The following LHFPL3 variants were observed in gnomAD, a reference collection of about 807,000 sequenced individuals.
LHFPL3 encodes LHFPL tetraspan subfamily member 3, also known as LHFPL tetraspan subfamily member 3 protein.
LHFPL3 carries 5 observed loss-of-function variants against 19.3 expected under a neutral mutation model. The observed-to-expected ratio is 0.26, with a 90% CI of 0.14 to 0.54. LHFPL3 has a LOEUF of 0.54. LHFPL3 is among the 20% of genes least tolerant of loss of function. The pLI, the probability that LHFPL3 is intolerant of heterozygous loss-of-function variation, is 0.94. For missense variants in LHFPL3, 249 were observed against 307.4 expected, an observed-to-expected ratio of 0.81 and a Z score of 1.42; for synonymous variants, 133 against 126.2, an observed-to-expected ratio of 1.05 and a Z score of -0.36.
rs1794623935 is a variant in LHFPL3, at chr7:104,549,163, T to C, written c.446-187512T>C. Reference sequence around the variant, plus strand: ...ATAGCAAATATGACTTTAAAAGTAATGGGAAAGTCCACACTCCGTGCAGTA... The same window carrying C: ...ATAGCAAATATGACTTTAAAAGTAACGGGAAAGTCCACACTCCGTGCAGTA... On this transcript the variant is annotated intron_variant, in intron 1 of 2. Coordinates refer to ENST00000424859, the MANE Select transcript of LHFPL3 (RefSeq NM_199000.3). Among the ~76,000 whole-genome samples, 3 of 152,048 alleles carry C rather than the reference T, an allele frequency of 2.0e-5. No individual in the cohort carries two copies. The South Asian group carries it at 6.2e-4, about 32-fold the overall frequency.
chr7:104,563,672 C>G (rs539783024), intron 1 of LHFPL3, among the ~76,000 whole-genome samples: 5 of 108,246 alleles, frequency 4.6e-5, no homozygotes, highest in African/African-American at 1.8e-4. Context: ...AGCTGTAGAC[C>G]GGAGCTGTTC....
At chr7:104,554,636 T>TAGAC (rs1186057872) in intron 1 of LHFPL3, among the ~76,000 whole-genome samples, 7 of 132,344 alleles carry the variant, frequency 5.3e-5, no homozygotes, top group African/African-American at 1.7e-4. Flanking sequence ...ATAGATTAGA[T>TAGAC]AGACAGATAG....
chr7:104,490,652 C>T (rs924717083), intron 1 of LHFPL3, among the ~76,000 whole-genome samples: 5 of 152,004 alleles, frequency 3.3e-5, no homozygotes, highest in Non-Finnish European at 5.9e-5. Context: ...TCTAAAGCGA[C>T]GGATATCAAC....
intron 1 of LHFPL3, among the ~76,000 whole-genome samples, chr7:104,407,330 T>C (rs17137382): frequency 0.031 from 4,768 of 152,268 alleles, 217 homozygotes; most frequent in East Asian, 0.16. Context: ...ACAAAAAATG[T>C]TCTGTAGGTC....
At chr7:104,763,301 T>C (rs954479271) in intron 2 of LHFPL3, among the ~76,000 whole-genome samples, 2 of 152,310 alleles carry the variant, frequency 1.3e-5, no homozygotes, top group African/African-American at 4.8e-5. Context: ...CCCAGATATC[T>C]CGTTCCAAGA....
At position 104,632,191 on chromosome 7, in the gene LHFPL3, C is replaced by G. The variant is rs16870065; in HGVS notation, c.446-104484C>G. On this transcript the variant is annotated intron_variant, in intron 1 of 2. Transcript: ENST00000424859. The stretch of plus-strand genomic sequence containing the variant: ...ATCATTTGTGTTGGGTGAGGTCATA[C>G]TTCTTTTAGGAAGAATACAATTAAG... 4.0e-3 allele frequency among the ~76,000 whole-genome samples: 613 copies of G among 152,274 alleles called. 35 individuals are homozygous for G. In the East Asian group the frequency reaches 0.099, roughly 25 times the overall value.
chr7:104,874,569 T>C (rs1314954214), intron 2 of LHFPL3, among the ~76,000 whole-genome samples: 1 of 151,962 alleles, frequency 6.6e-6, no homozygotes, highest in Non-Finnish European at 1.5e-5. Context: ...TAATTTTTTG[T>C]ATTTTTTGTA....
At chr7:104,678,411 A>G (rs1316554729) in intron 1 of LHFPL3, among the ~76,000 whole-genome samples, 1 of 152,176 alleles carries the variant, frequency 6.6e-6, no homozygotes, top group Non-Finnish European at 1.5e-5. Context: ...ACATATTTCA[A>G]AAACAACCCC....
rs373049737 is a variant in LHFPL3, at chr7:104,617,900, C to T, written c.446-118775C>T. On this transcript the variant is annotated intron_variant, in intron 1 of 2. Transcript: ENST00000424859. ...CTTGTGGCTACCAAGTAATAGAAAA[C>T]CAACTCAAAATACCTTGGGCCTTAA... is the stretch of plus-strand genomic sequence containing the variant. 6.6e-5 allele frequency among the ~76,000 whole-genome samples: 10 copies of T among 152,128 alleles called. No homozygotes were observed. The East Asian group carries it at 1.2e-3, about 18-fold the overall frequency.
At chr7:104,545,548 A>G (rs545667012) in intron 1 of LHFPL3, among the ~76,000 whole-genome samples, 2 of 152,236 alleles carry the variant, frequency 1.3e-5, no homozygotes, top group Non-Finnish European at 2.9e-5. Flanking sequence ...AGAGGACAGT[A>G]TGAAGAAGGG....
chr7:104,737,014 AT>A (rs1163309633), intron 2 of LHFPL3, 103 bp downstream of exon 2: 1 of 846,468 alleles, frequency 1.2e-6, no homozygotes, highest in East Asian at 2.7e-5. Context: ...TGAGGTTCTA[AT>A]TTGCTGCCTC....
intron 1 of LHFPL3, among the ~76,000 whole-genome samples, chr7:104,593,761 T>G (rs1790779518): frequency 6.6e-6 from 1 of 152,210 alleles, no homozygotes; most frequent in Admixed American, 6.5e-5. Flanking sequence ...AGTTAGCTCT[T>G]CTTGTTGAAT....
At position 104,328,749 on chromosome 7, in the gene LHFPL3, GA is replaced by G; in HGVS notation, c.-30del. ...GAGGCGGGGGGAGGCGGAGGACCAG[GA>G]GGAGGAGGAGGAGGAGGAGGAGGGG... On this transcript the variant is annotated 5_prime_UTR_variant, in exon 1 of 3. Coordinates refer to ENST00000424859, the MANE Select transcript of LHFPL3 (RefSeq NM_199000.3). This position sits in a 1 kb window ranked among gnomAD's most constrained non-coding sequence, Gnocchi z 4.6. 2.0e-6 allele frequency: 1 copy of G among 506,250 alleles called. No individual in the cohort carries two copies. Among genetic ancestry groups the G allele is most frequent in the Non-Finnish European group, 2.5e-6 (1 of 394,798 alleles). The allele number at this position is 506,250 out of a possible 1,614,324, so 31.4% of individuals were successfully genotyped here. A position where few individuals can be genotyped will look rare whatever the true frequency, so the allele number is the denominator to read the frequency against.
At chr7:104,616,226 G>A (rs539495703) in intron 1 of LHFPL3, among the ~76,000 whole-genome samples, 1 of 152,254 alleles carries the variant, frequency 6.6e-6, no homozygotes, top group African/African-American at 2.4e-5. Flanking sequence ...CATACTACCT[G>A]ACTTCAAACT....
At chr7:104,420,002 A>G (rs1791694998) in intron 1 of LHFPL3, among the ~76,000 whole-genome samples, 1 of 152,218 alleles carries the variant, frequency 6.6e-6, no homozygotes, top group Admixed American at 6.5e-5. Context: ...AAAACAGTGG[A>G]GGCAAAGCAA....
rs144690104 is a variant in LHFPL3 at position 104,468,954 on chromosome 7, C to T, written c.445+139730C>T. ...GATAACAGGTGTGAGCCACAATGCA[C>T]GGCCTTGTGCAAACCTTTCTTACCT... On this transcript the variant is annotated intron_variant, in intron 1 of 2. Transcript: ENST00000424859. 8.2e-3 allele frequency among the ~76,000 whole-genome samples: 1,252 copies of T among 152,242 alleles called. 11 individuals carry two copies. The highest frequency in any genetic ancestry group is 0.011 in the Non-Finnish European group (753 of 68,006).
chr7:104,441,906 C>A (rs548010399), intron 1 of LHFPL3, among the ~76,000 whole-genome samples: 1 of 152,184 alleles, frequency 6.6e-6, no homozygotes, highest in East Asian at 1.9e-4. Flanking sequence ...TGGATATCTG[C>A]CCAGAAGTGG....
chr7:104,773,118 G>A (rs888498275), intron 2 of LHFPL3, among the ~76,000 whole-genome samples: 83 of 152,154 alleles, frequency 5.5e-4, no homozygotes, highest in African/African-American at 1.9e-3. Context: ...GCCCAGCCTC[G>A]TTGTCATCCA....
At chr7:104,525,627 G>A (rs1015631758) in intron 1 of LHFPL3, among the ~76,000 whole-genome samples, 2 of 141,800 alleles carry the variant, frequency 1.4e-5, no homozygotes, top group Admixed American at 7.0e-5. Flanking sequence ...TTTTTTTTGA[G>A]ATGGAGTCTC....
Sources: gnomAD v4.1 joint callset for allele counts (sites outside exome capture counted in the v4.1 genomes callset) on GRCh38, gnomAD v4.1.1 for gene constraint, Gnocchi (gnomAD v3.1) non-coding constraint, MANE v1.5 for transcripts, NCBI Gene and HGNC (gene_info 2026-07-23, HGNC 2026-07-21) for gene names.